RTL9: variants seen among roughly 807,000 people sequenced by gnomAD.
The protein encoded by RTL9 is retrotransposon Gag like 9, also known as retrotransposon Gag-like protein 9.
RTL9 carries 19 observed loss-of-function variants against 44.7 expected under a neutral mutation model. That is an observed-to-expected ratio of 0.42 (90% CI 0.30 to 0.62). RTL9 has a LOEUF of 0.62. RTL9 is among the 20% of genes least tolerant of loss of function. RTL9 has a pLI of 0.16. For synonymous variants in RTL9, 407 were observed against 398.9 expected (o/e 1.02, Z -0.24); for missense variants, 1,105 against 1,080.6 (o/e 1.02, Z -0.32).
chrX:110,394,691 C>T (rs900984411), intron 1 of RTL9, among the ~76,000 whole-genome samples: 7 of 112,825 alleles, frequency 6.2e-5, no homozygotes, highest in African/African-American at 1.9e-4. Flanking sequence ...GGTTGGAGGA[C>T]GAGGAGGCCT....
At chrX:110,427,710 A>G (rs1192804101) in intron 1 of RTL9, among the ~76,000 whole-genome samples, 1 of 112,435 alleles carries the variant, frequency 8.9e-6, no homozygotes, top group Non-Finnish European at 1.9e-5. Context: ...GATGAAGTCC[A>G]AACTCCTTAG....
At chrX:110,413,513 A>AC (rs2068656050) in intron 1 of RTL9, among the ~76,000 whole-genome samples, 2 of 101,575 alleles carry the variant, frequency 2.0e-5, no homozygotes, top group African/African-American at 7.3e-5. Context: ...CCTCCTGGTC[A>AC]ACCCCCCCCC....
chrX:110,451,381 T>G, exon 1 of RTL9: 1 of 1,211,965 alleles, frequency 8.3e-7, no homozygotes. Context: ...TCTGGAGAGA[T>G]ATCTTCGCTG....
chrX:110,454,669 T>C lies in RTL9; in HGVS notation c.4047+5T>C. 2 of 1,171,287 alleles carry C rather than the reference T, an allele frequency of 1.7e-6. No individual in the cohort carries two copies. The highest frequency in any genetic ancestry group is 2.3e-6 in the Non-Finnish European group (2 of 871,895). ...TCTCAGCAGCAGACTGAGGAGGTAATGAGGGGGAAATCCGCTGAAGGTTTT... is the reference window on the plus strand; with the variant it reads ...TCTCAGCAGCAGACTGAGGAGGTAACGAGGGGGAAATCCGCTGAAGGTTTT... On this transcript the variant is annotated splice_donor_5th_base_variant and intron_variant, in intron 1 of 1. Coordinates refer to ENST00000540313, the Ensembl canonical transcript of RTL9.
chrX:110,408,835 T>G (rs779935362), intron 1 of RTL9, among the ~76,000 whole-genome samples: 1 of 112,911 alleles, frequency 8.9e-6, no homozygotes, highest in Non-Finnish European at 1.9e-5. Context: ...TACATAGTGT[T>G]TTATTATGTA....
At chrX:110,446,926 CT>C (rs936132618), upstream of RTL9, among the ~76,000 whole-genome samples, 3 of 110,841 alleles carry the variant, frequency 2.7e-5, no homozygotes, top group African/African-American at 9.9e-5. Context: ...CTGTTCTCAT[CT>C]GGAAAATGAA....
At chrX:110,452,797 A>T in exon 1 of RTL9, 1 of 1,211,411 alleles carries the variant, frequency 8.3e-7, no homozygotes, top group Non-Finnish European at 1.1e-6. Flanking sequence ...AGCACCCAAG[A>T]TCCTGGAGGG....
intron 1 of RTL9, among the ~76,000 whole-genome samples, chrX:110,409,766 C>A (rs1337787988): frequency 9.0e-6 from 1 of 111,197 alleles, no homozygotes; most frequent in Non-Finnish European, 1.9e-5. Flanking sequence ...CTTCAGGGCT[C>A]CTGATAAGAG....
In RTL9 at chrX:110,435,952, A is replaced by G. The variant is rs143370260; in HGVS notation, c.-167-9201A>G. On this transcript the variant is annotated intron_variant, in intron 1 of 3. Coordinates refer to the RTL9 transcript ENST00000465301. Reference sequence around the variant, plus strand: ...CCATTTCACAGGCAAAGAGCAAATCACAGAAAGAATGAGTAAGTTGTTCAA... The same window carrying G: ...CCATTTCACAGGCAAAGAGCAAATCGCAGAAAGAATGAGTAAGTTGTTCAA... Among the ~76,000 whole-genome samples the G allele has an allele frequency of 9.4e-3, 1,059 of 112,559 alleles. 3 individuals are homozygous for G. The highest frequency in any genetic ancestry group is 0.015 in the Non-Finnish European group (782 of 53,300).
At chrX:110,451,005 C>A (rs746903049) in exon 1 of RTL9, 1 of 1,212,011 alleles carries the variant, frequency 8.3e-7, no homozygotes. Context: ...GTCCCCATTG[C>A]TGTCCACTTC....
intron 1 of RTL9, among the ~76,000 whole-genome samples, chrX:110,386,173 T>A (rs2068453577): frequency 9.0e-6 from 1 of 110,734 alleles, no homozygotes; most frequent in African/African-American, 3.3e-5. Flanking sequence ...GATCATATGG[T>A]AACACTATGT....
intron 1 of RTL9, among the ~76,000 whole-genome samples, chrX:110,365,342 G>A (rs2068290310): frequency 8.9e-6 from 1 of 112,025 alleles, no homozygotes; most frequent in African/African-American, 3.2e-5. Flanking sequence ...GTGAAATCAG[G>A]CTTCCATGAC....
exon 1 of RTL9, chrX:110,452,292 T>A (rs886911604): frequency 2.5e-6 from 3 of 1,210,066 alleles, no homozygotes; most frequent in Non-Finnish European, 3.4e-6. Flanking sequence ...AACCATGGCC[T>A]CAGGATTGAC....
In RTL9 at chrX:110,453,908, C is replaced by G. The variant is rs572935151; in HGVS notation, c.3291C>G (p.Ile1097Met). Residue 1097 changes from isoleucine (I) to methionine (M), a missense_variant, in exon 1 of 2, where the codon ATC becomes ATG. By Grantham distance (10) the Ile-to-Met change is conservative. Coordinates refer to ENST00000540313, the Ensembl canonical transcript of RTL9. Reference sequence around the variant, plus strand: ...TTGGAGTGATGTCCACTCCGGAAATCAAAGCCACAGACTCTGGAGAGGCAT... The same window carrying G: ...TTGGAGTGATGTCCACTCCGGAAATGAAAGCCACAGACTCTGGAGAGGCAT... The G allele has an allele frequency of 5.5e-4, 664 of 1,210,563 alleles. 4 individuals are homozygous for G. In the South Asian group the frequency reaches 0.011, roughly 19 times the overall value.
At chrX:110,442,542 T>C (rs1341700299) in intron 1 of RTL9, among the ~76,000 whole-genome samples, 1 of 111,192 alleles carries the variant, frequency 9.0e-6, no homozygotes, top group African/African-American at 3.3e-5. Flanking sequence ...TTTCCTTGAC[T>C]GTGGTCTAGT....
intron 1 of RTL9, among the ~76,000 whole-genome samples, chrX:110,375,192 G>A (rs138278729): frequency 0.026 from 2,854 of 111,790 alleles, 86 homozygotes; most frequent in African/African-American, 0.087. Context: ...TGGTATTTAG[G>A]CAGAATAATC....
chrX:110,454,003 A>C (rs774111692), exon 1 of RTL9: 2 of 1,211,922 alleles, frequency 1.7e-6, no homozygotes, highest in South Asian at 3.5e-5. Flanking sequence ...ACAACTCCTG[A>C]AACTGCGAAA....
chrX:110,387,320 C>T (rs1327683315), intron 1 of RTL9, among the ~76,000 whole-genome samples: 1 of 112,131 alleles, frequency 8.9e-6, no homozygotes, highest in Non-Finnish European at 1.9e-5. Flanking sequence ...CTTACAGACA[C>T]GTTTGGTTTG....
At chrX:110,433,658 C>A (rs1228007102) in intron 1 of RTL9, among the ~76,000 whole-genome samples, 1 of 112,107 alleles carries the variant, frequency 8.9e-6, no homozygotes, top group African/African-American at 3.3e-5. Context: ...ATTGACTCAT[C>A]TATTTGGCTC....
Sources: gnomAD v4.1 joint callset for allele counts (sites outside exome capture counted in the v4.1 genomes callset) on GRCh38, gnomAD v4.1.1 for gene constraint, MANE v1.5 for transcripts, NCBI Gene and HGNC (gene_info 2026-07-23, HGNC 2026-07-21) for gene names.